The following IDUA variants were observed in gnomAD, a reference collection of about 807,000 sequenced individuals.
IDUA encodes the protein alpha-L-iduronidase, also known as iduronidase alpha-L-.
IDUA carries 65 observed loss-of-function variants against 68.9 expected under a neutral mutation model. That is an observed-to-expected ratio of 0.94 (90% confidence interval 0.77 to 1.16). The LOEUF is 1.16. Ranked by LOEUF, IDUA falls within the 50% of genes most tolerant of loss-of-function variation. IDUA has a pLI of 0.00. For missense variants in IDUA, 1,046 were observed against 938.0 expected, an observed-to-expected ratio of 1.12 and a Z score of -1.50; for synonymous variants, 529 against 433.6, an observed-to-expected ratio of 1.22 and a Z score of -2.73.
At chr4:990,018 G>A in intron 2 of IDUA, 1 of 1,585,824 alleles carries the variant, frequency 6.3e-7, no homozygotes, top group Non-Finnish European at 8.6e-7. Flanking sequence ...GCTGCCCGAA[G>A]TGCGACACGA....
intron 2 of IDUA, chr4:989,661 C>T (rs776775525): frequency 1.9e-6 from 3 of 1,578,592 alleles, no homozygotes; most frequent in African/African-American, 2.7e-5. Flanking sequence ...GCGCCAGCAG[C>T]ACCAGCAGCA....
rs963812531 is a variant in IDUA at position 1,002,717 on chromosome 4, C to CT, written c.1190-15_1190-14insT. The CT allele has an allele frequency of 4.9e-6, 7 of 1,427,726 alleles. No homozygotes were observed. Among genetic ancestry groups the CT allele is most frequent in the Non-Finnish European group, 6.5e-6 (7 of 1,073,132 alleles). The allele number at this position is 1,427,726 out of a possible 1,614,324, so 88.4% of individuals were successfully genotyped here. A position where few individuals can be genotyped will look rare whatever the true frequency, so the allele number is the denominator to read the frequency against. On this transcript the variant is annotated splice_polypyrimidine_tract_variant and intron_variant, in intron 8 of 13. Transcript: ENST00000514224. The stretch of plus-strand genomic sequence containing the variant: ...CAACGACCCCACGCGGCGACGGCCC[C>CT]CCCCCGCCCCGCAGATGAGGAGCAG...
intron 2 of IDUA, chr4:991,415 G>A (rs1714311640): frequency 6.2e-7 from 1 of 1,612,822 alleles, no homozygotes; most frequent in Non-Finnish European, 8.5e-7. Flanking sequence ...TAGATGGGCT[G>A]CAGCCCGGCC....
intron 2 of IDUA, among the ~76,000 whole-genome samples, chr4:997,139 C>T (rs1281048365): frequency 1.3e-5 from 2 of 152,174 alleles, no homozygotes; most frequent in Non-Finnish European, 2.9e-5. Context: ...GCTTTGAGAC[C>T]GGACCCGAGT....
At chr4:997,459 G>A (rs1714807385) in intron 2 of IDUA, among the ~76,000 whole-genome samples, 1 of 151,172 alleles carries the variant, frequency 6.6e-6, no homozygotes, top group Admixed American at 6.6e-5. Context: ...CCCGGCAGCC[G>A]CGCGGTCTTA....
At chr4:998,887 C>T (rs1370549123) in intron 2 of IDUA, among the ~76,000 whole-genome samples, 1 of 151,882 alleles carries the variant, frequency 6.6e-6, no homozygotes, top group African/African-American at 2.4e-5. Context: ...CTGGGCAACC[C>T]CCATGGCCCC....
chr4:991,242 C>T (rs1228777205), intron 2 of IDUA: 1 of 1,611,736 alleles, frequency 6.2e-7, no homozygotes, highest in Non-Finnish European at 8.5e-7. Context: ...TGGCTCCGGG[C>T]TGCAGGCCGT....
chr4:993,634 G>T (rs34106926), intron 2 of IDUA, among the ~76,000 whole-genome samples: 11 of 152,326 alleles, frequency 7.2e-5, no homozygotes, highest in African/African-American at 1.4e-4. Flanking sequence ...GCCCTGCCGG[G>T]GGGGCTTAGG....
At chr4:988,219 T>C in intron 2 of IDUA, 1 of 1,324,400 alleles carries the variant, frequency 7.6e-7, no homozygotes, top group South Asian at 1.8e-5. Context: ...CCCGTGAGCA[T>C]CCCTGTGTGT....
rs376738689 is a variant in IDUA, at chr4:1,000,995, C to T, written c.493+6C>T. The T allele has an allele frequency of 5.5e-5, 88 of 1,599,472 alleles. No individual in the cohort carries two copies. The highest frequency in any genetic ancestry group is 7.0e-5 in the Non-Finnish European group (82 of 1,167,622). ...CCTGGCCAGGAGATACATCGGTGGG[C>T]GAGCGCAGGCCCTGGGGCCCTGGCC... On this transcript the variant is annotated splice_donor_region_variant and intron_variant, in intron 4 of 13. Coordinates refer to ENST00000514224, the MANE Select transcript of IDUA (RefSeq NM_000203.5).
At chr4:999,099 G>A (rs1369104464) in intron 2 of IDUA, among the ~76,000 whole-genome samples, 1 of 152,066 alleles carries the variant, frequency 6.6e-6, no homozygotes, top group East Asian at 1.9e-4. Context: ...CAGCTACTCA[G>A]GAGGCTGAGG....
chr4:1,002,637 A>C (rs1252409616), intron 8 of IDUA, 95 bp from the exon 9 acceptor site: 3 of 1,175,734 alleles, frequency 2.6e-6, no homozygotes, highest in Non-Finnish European at 3.5e-6. Context: ...TCCTTCACCA[A>C]GGGGAGGGGG....
chr4:993,874 CGT>C (rs1355448832), intron 2 of IDUA, among the ~76,000 whole-genome samples: 1 of 152,220 alleles, frequency 6.6e-6, no homozygotes, highest in Non-Finnish European at 1.5e-5. Context: ...CGTGCATATG[CGT>C]GTGTGCTCGC....
chr4:1,001,739 G>C lies in IDUA; in HGVS notation c.650G>C (p.Arg217Pro). ...CTGCGCGCCGCCAGCCCCGCCCTGC[G>C]GCTGGGAGGCCCCGGCGACTCCTTC... ...EGLRAASPAL[R>P]LGGPGDSFHT... Residue 217 changes from arginine to proline, a missense_variant, in exon 6 of 14, where the codon CGG becomes CCG. Coordinates refer to ENST00000514224, the MANE Select transcript of IDUA (RefSeq NM_000203.5). 6.3e-7 allele frequency: 1 copy of C among 1,598,972 alleles called. No individual in the cohort carries two copies. Among genetic ancestry groups the C allele is most frequent in the South Asian group, 1.1e-5 (1 of 90,652 alleles).
Position 1,001,866 on chromosome 4 carries a change from C to G in IDUA, c.777C>G (p.Ile259Met), listed in dbSNP as rs766033352. ...AGGCGGGCGTGCGGCTGGACTACAT[C>G]TCCCTCCACAGGAAGGTGCGCCCTG... ...TGEAGVRLDY[I>M]SLHRKGARSS... The change falls in exon 6 of 14, where the codon ATC becomes ATG. Residue 259 changes from isoleucine to methionine, a missense_variant. Physicochemically the swap from Ile to Met is conservative, Grantham distance 10. Transcript: ENST00000514224. 16 of 1,590,086 alleles carry G rather than the reference C, an allele frequency of 1.0e-5. No homozygotes were observed. The highest frequency in any genetic ancestry group is 1.3e-5 in the Non-Finnish European group (15 of 1,170,266).
At chr4:989,497 C>A in intron 2 of IDUA, 1 of 1,553,682 alleles carries the variant, frequency 6.4e-7, no homozygotes, top group South Asian at 1.2e-5. Context: ...GACCAGCATA[C>A]AGGTGGCCGC....
chr4:996,599 C>T (rs1372941137), intron 2 of IDUA, among the ~76,000 whole-genome samples: 1 of 152,300 alleles, frequency 6.6e-6, no homozygotes, highest in Non-Finnish European at 1.5e-5. Flanking sequence ...ACTGCAGGGG[C>T]CTGGCCTCAG....
Position 1,003,358 on chromosome 4 carries a change from C to G in IDUA, c.1538C>G (p.Ala513Gly), listed in dbSNP as rs1327789436. The part of the protein sequence containing the change: ...RMRAAEDPVA[A>G]APRPLPAGGR... ...CACTGCGCCCAGGACCCGGTGGCCG[C>G]GGCGCCCCGCCCCTTACCCGCCGGC... The change falls in exon 11 of 14, where the codon GCG (alanine) becomes GGG (glycine). Residue 513 changes from alanine to glycine, a missense_variant. Coordinates refer to ENST00000514224, the MANE Select transcript of IDUA (RefSeq NM_000203.5). 6 of 1,458,086 alleles carry G rather than the reference C, an allele frequency of 4.1e-6. No individual in the cohort carries two copies. In the East Asian group the frequency reaches 1.4e-4, roughly 35 times the overall value. The allele number at this position is 1,458,086 out of a possible 1,614,324, so 90.3% of individuals were successfully genotyped here. A position where few individuals can be genotyped will look rare whatever the true frequency, so the allele number is the denominator to read the frequency against.
Position 1,002,328 on chromosome 4 carries a change from G to C in IDUA, c.1032G>C (p.Ala344=), listed in dbSNP as rs959994477. The change falls in exon 8 of 14, where the codon GCG becomes GCC. Residue 344 remains alanine (A), a synonymous_variant. Transcript: ENST00000514224. ...LANTTSAFPY[A]LLSNDNAFLS... is the part of the protein sequence containing the mutation. The stretch of plus-strand genomic sequence containing the variant: ...ACACCACCTCCGCCTTCCCCTACGC[G>C]CTCCTGAGCAACGACAATGCCTTCC... 1 of 1,613,200 alleles carries C rather than the reference G, an allele frequency of 6.2e-7. No individual in the cohort carries two copies. The highest frequency in any genetic ancestry group is 1.3e-5 in the African/African-American group (1 of 75,054).
Sources: gnomAD v4.1 joint callset for allele counts (sites outside exome capture counted in the v4.1 genomes callset) on GRCh38, gnomAD v4.1.1 for gene constraint, MANE v1.5 for transcripts, NCBI Gene and HGNC (gene_info 2026-07-23, HGNC 2026-07-21) for gene names.